Variants in LRRC8C observed in about 807,000 individuals in gnomAD.
LRRC8C encodes the protein leucine rich repeat containing 8 VRAC subunit C, also known as volume-regulated anion channel subunit LRRC8C.
A neutral mutation model predicts 55.3 loss-of-function variants in LRRC8C; 20 were observed. The observed-to-expected ratio is 0.36, with a 90% CI of 0.25 to 0.53. The LOEUF is 0.53. Among genes scored for constraint, LRRC8C ranks in the 20% least tolerant of loss-of-function variants. LRRC8C has a pLI of 0.92. For missense variants in LRRC8C, 659 were observed against 951.4 expected, an observed-to-expected ratio of 0.69 and a Z score of 4.04; for synonymous variants, 376 against 360.7, an observed-to-expected ratio of 1.04 and a Z score of -0.48.
In LRRC8C at chr1:89,661,024, A is replaced by G. The variant is rs141724785; in HGVS notation, c.-4-25446A>G. Among the ~76,000 whole-genome samples the G allele has an allele frequency of 4.8e-4, 73 of 152,152 alleles. 1 individual carries two copies. The highest frequency in any genetic ancestry group is 1.5e-3 in the South Asian group (7 of 4,814). On this transcript the variant is annotated intron_variant, in intron 1 of 2. Coordinates refer to ENST00000370454, the MANE Select transcript of LRRC8C (RefSeq NM_032270.5). ...TTCCTTTGCTTGTCTCAATTTACAT[A>G]GTGTTTCTTTTTGTTTTGTTTTGTT... is the stretch of plus-strand genomic sequence containing the variant.
rs1234227202 is a variant in LRRC8C at position 89,718,316 on chromosome 1, G to A, written c.*3334G>A. On this transcript the variant is annotated 3_prime_UTR_variant, in exon 3 of 3. Coordinates refer to ENST00000370454, the MANE Select transcript of LRRC8C (RefSeq NM_032270.5). ...AAAACATACCTGCTATGAATATTTT[G>A]TTCAGATGTAGCCATTTACCTGGCT... 6.6e-6 allele frequency: 1 copy of A among 152,030 alleles called. No homozygotes were observed. Among genetic ancestry groups the A allele is most frequent in the Non-Finnish European group, 1.5e-5 (1 of 68,000 alleles). 9.4% of individuals were successfully genotyped at this position (152,030 alleles called of 1,614,324 possible).
intron 2 of LRRC8C, among the ~76,000 whole-genome samples, chr1:89,704,384 C>T (rs1658414118): frequency 6.6e-6 from 1 of 152,136 alleles, no homozygotes; most frequent in Non-Finnish European, 1.5e-5. Flanking sequence ...ATAGCACATC[C>T]ACAATATGTA....
At chr1:89,683,958 C>T (rs1189949834) in intron 1 of LRRC8C, among the ~76,000 whole-genome samples, 2 of 152,028 alleles carry the variant, frequency 1.3e-5, no homozygotes. Context: ...TATATTAAGC[C>T]AGGCATTAAA....
At chr1:89,702,091 C>T (rs953568202) in intron 2 of LRRC8C, among the ~76,000 whole-genome samples, 1 of 152,076 alleles carries the variant, frequency 6.6e-6, no homozygotes, top group Admixed American at 6.6e-5. Context: ...TGCCTGCCGA[C>T]CAGAAACTGA....
chr1:89,629,530 T>C (rs1396236205), upstream of LRRC8C, among the ~76,000 whole-genome samples: 5 of 152,190 alleles, frequency 3.3e-5, no homozygotes, highest in African/African-American at 1.2e-4. Flanking sequence ...TACATAAATT[T>C]AGTATGAATT....
At chr1:89,652,385 T>G (rs977050985) in intron 1 of LRRC8C, among the ~76,000 whole-genome samples, 3 of 152,160 alleles carry the variant, frequency 2.0e-5, no homozygotes, top group African/African-American at 7.2e-5. Context: ...TGAAAAGAGA[T>G]AAGAGTTTAA....
intron 1 of LRRC8C, among the ~76,000 whole-genome samples, chr1:89,685,178 G>A (rs957825534): frequency 6.8e-6 from 1 of 147,250 alleles, no homozygotes; most frequent in South Asian, 2.3e-4. Flanking sequence ...GACTGCAGTG[G>A]CGCAATCTCG....
the LRRC8C span, among the ~76,000 whole-genome samples, chr1:89,621,101 A>T: frequency 6.6e-6 from 1 of 152,148 alleles, no homozygotes; most frequent in Non-Finnish European, 1.5e-5. Context: ...GCTAGGCAGC[A>T]ATCTATAAAG....
At chr1:89,704,154 A>G (rs560787621) in intron 2 of LRRC8C, among the ~76,000 whole-genome samples, 1 of 152,244 alleles carries the variant, frequency 6.6e-6, no homozygotes, top group East Asian at 1.9e-4. Flanking sequence ...CAGGATACAG[A>G]AGAATCTCAA....
At chr1:89,627,371 ACTCT>A in the LRRC8C span, among the ~76,000 whole-genome samples, 72,590 of 151,196 alleles carry the variant, frequency 0.48, 18,002 homozygotes, top group East Asian at 0.74. Flanking sequence ...TAAGAATGAG[ACTCT>A]CTGTCTGGTT....
intron 1 of LRRC8C, among the ~76,000 whole-genome samples, chr1:89,657,434 CA>C (rs1656977136): frequency 6.6e-6 from 1 of 152,074 alleles, no homozygotes; most frequent in Non-Finnish European, 1.5e-5. Flanking sequence ...AAGTAGTGAC[CA>C]TTGTGGTTTA....
Position 89,680,549 on chromosome 1 carries a change from C to CTTTTTTT in LRRC8C, c.-4-5905_-4-5899dup, listed in dbSNP as rs10593283. On this transcript the variant is annotated intron_variant, in intron 1 of 2. Transcript: ENST00000370454. ...GTGCCAGGTGTTTCATGCTTTCATG[C>CTTTTTTT]TTTTTTTTTTTTTTTTTTTTTTCTG... is the stretch of plus-strand genomic sequence containing the variant. Among the ~76,000 whole-genome samples, 10 of 91,872 alleles carry CTTTTTTT rather than the reference C, an allele frequency of 1.1e-4. 1 individual carries two copies. Among genetic ancestry groups the CTTTTTTT allele is most frequent in the East Asian group, 3.7e-4 (1 of 2,676 alleles). 60.3% of individuals were successfully genotyped at this position (91,872 alleles called of 152,430 possible).
intron 2 of LRRC8C, among the ~76,000 whole-genome samples, chr1:89,711,326 A>G (rs914257607): frequency 1.3e-5 from 2 of 152,228 alleles, no homozygotes; most frequent in African/African-American, 4.8e-5. Context: ...TGGTCACCTT[A>G]CTATGCTATA....
intron 2 of LRRC8C, among the ~76,000 whole-genome samples, chr1:89,705,453 C>A (rs1357206324): frequency 6.6e-6 from 1 of 151,224 alleles, no homozygotes; most frequent in Non-Finnish European, 1.5e-5. Context: ...AGGGATTAAC[C>A]AAAAATAAAA....
chr1:89,702,564 A>G (rs1171676637), intron 2 of LRRC8C, among the ~76,000 whole-genome samples: 1 of 151,790 alleles, frequency 6.6e-6, no homozygotes, highest in Non-Finnish European at 1.5e-5. Flanking sequence ...GCAAGACCCT[A>G]TCTCTAAAAA....
At chr1:89,686,378 T>C in intron 1 of LRRC8C, 92 bp from the exon 2 acceptor site, 3 of 1,333,794 alleles carry the variant, frequency 2.2e-6, no homozygotes, top group Non-Finnish European at 2.1e-6. Context: ...AATTCAGACC[T>C]CTGCTGTGAG....
rs1454595569 is a variant in LRRC8C, at chr1:89,716,284, G to A, written c.*1302G>A. The A allele has an allele frequency of 3.3e-5, 5 of 152,108 alleles. No individual in the cohort carries two copies. Among genetic ancestry groups the A allele is most frequent in the Non-Finnish European group, 7.4e-5 (5 of 68,012 alleles). 9.4% of individuals were successfully genotyped at this position (152,108 alleles called of 1,614,324 possible). A position where few individuals can be genotyped will look rare whatever the true frequency, so the allele number is the denominator to read the frequency against. ...TGAACATCCTCAGATTTTGGTGTTC[G>A]AGGGCATCCTGGAATCAATTCCCCA... On this transcript the variant is annotated 3_prime_UTR_variant, in exon 3 of 3. Transcript: ENST00000370454.
intron 2 of LRRC8C, among the ~76,000 whole-genome samples, chr1:89,703,268 C>A (rs1658382427): frequency 6.6e-6 from 1 of 151,922 alleles, no homozygotes; most frequent in African/African-American, 2.4e-5. Context: ...AAATATAAGC[C>A]AGGGAAAATG....
rs1305061358 is a variant in LRRC8C at position 89,713,572 on chromosome 1, C to T, written c.1002C>T (p.Cys334=). 6 of 1,614,110 alleles carry T rather than the reference C, an allele frequency of 3.7e-6. No individual in the cohort carries two copies. Among genetic ancestry groups the T allele is most frequent in the Non-Finnish European group, 4.2e-6 (5 of 1,179,978 alleles). ...LCFVSIYGLT[C]LYTLYWLFYR... ...TTGTTAGTATCTATGGATTGACGTGCCTTTATACCTTATACTGGCTGTTCT... is the reference window on the plus strand; with the variant it reads ...TTGTTAGTATCTATGGATTGACGTGTCTTTATACCTTATACTGGCTGTTCT... The change falls in exon 3 of 3, where the codon TGC becomes TGT. Residue 334 remains cysteine (C), a synonymous_variant. Coordinates refer to ENST00000370454, the MANE Select transcript of LRRC8C (RefSeq NM_032270.5). This position sits in a 1 kb window ranked among gnomAD's most constrained non-coding sequence, Gnocchi z 5.2.
Sources: gnomAD v4.1 joint callset for allele counts (sites outside exome capture counted in the v4.1 genomes callset) on GRCh38, gnomAD v4.1.1 for gene constraint, Gnocchi (gnomAD v3.1) non-coding constraint, MANE v1.5 for transcripts, NCBI Gene and HGNC (gene_info 2026-07-23, HGNC 2026-07-21) for gene names.